The following WDR24 variants were observed in gnomAD, a reference collection of about 807,000 sequenced individuals.
WDR24 encodes WD repeat domain 24.
A neutral mutation model predicts 66.7 loss-of-function variants in WDR24; 32 were observed. The ratio of observed to expected loss-of-function variants is 0.48; its 90% CI spans 0.36 to 0.64. The LOEUF is 0.64. WDR24 is among the 30% of genes least tolerant of loss of function. WDR24 has a pLI of 0.00. For synonymous variants in WDR24, 565 were observed against 469.1 expected, an observed-to-expected ratio of 1.20 and a Z score of -2.64; for missense variants, 978 against 1,144.1, an observed-to-expected ratio of 0.85 and a Z score of 2.09.
chr16:690,312 AGGG>A lies in WDR24; in HGVS notation c.-675_-673del, dbSNP rs2039951684. 4.4e-6 allele frequency: 2 copies of A among 451,754 alleles called. No homozygotes were observed. The highest frequency in any genetic ancestry group is 4.7e-5 in the Admixed American group (2 of 42,332). 28.0% of individuals were successfully genotyped at this position (451,754 alleles called of 1,614,324 possible). A position where few individuals can be genotyped will look rare whatever the true frequency, so the allele number is the denominator to read the frequency against. ...GCGGACGCTGCGGGACGAGAACCAG[AGGG>A]CCCGGGGCAGCCCTTCTCCCCCGCG... On this transcript the variant is annotated 5_prime_UTR_variant, in exon 1 of 9. Coordinates refer to ENST00000293883, the MANE Select transcript of WDR24 (RefSeq NM_032259.4).
Position 689,248 on chromosome 16 carries a change from G to C in WDR24, c.393C>G (p.Thr131=). The C allele has an allele frequency of 2.5e-6, 4 of 1,614,006 alleles. No individual in the cohort carries two copies. Among genetic ancestry groups the C allele is most frequent in the Non-Finnish European group, 3.4e-6 (4 of 1,180,030 alleles). ...AGCCACTGAGCAGCACGTGGGCTTC[G>C]GTGGGGTGGAAGCAGACTTTGTTTA... ...RTVNKVCFHP[T]EAHVLLSGSQ... is the part of the protein sequence containing the mutation. The change falls in exon 1 of 9, where the codon ACC becomes ACG. Residue 131 remains threonine (T), a synonymous_variant. Transcript: ENST00000293883.
intron 1 of WDR24, 50 bp from the exon 2 acceptor site, chr16:687,789 G>A (rs2039926988): frequency 2.5e-6 from 4 of 1,590,470 alleles, no homozygotes; most frequent in East Asian, 2.3e-5. Flanking sequence ...GGCCCATGAG[G>A]TGCGCCCTCA....
At position 685,557 on chromosome 16, in the gene WDR24, C is replaced by T. The variant is rs1031883931; in HGVS notation, c.1719G>A (p.Pro573=). Residue 573 remains proline, a synonymous_variant, in exon 7 of 9, where the codon CCG becomes CCA. Coordinates refer to ENST00000293883, the MANE Select transcript of WDR24 (RefSeq NM_032259.4). ...GCGTGTCCACGATCTCGTGGCGCAG[C>T]GGAAAGGCCTCCTGCGGCAGCACGC... ...PECVLPQEAF[P]LRHEIVDTPP... is the part of the protein sequence containing the mutation. The T allele has an allele frequency of 1.3e-6, 2 of 1,586,410 alleles. No homozygotes were observed. The highest frequency in any genetic ancestry group is 2.3e-5 in the East Asian group (1 of 44,422).
intron 3 of WDR24, 121 bp from the exon 4 acceptor site, chr16:686,307 G>A (rs1189477144): frequency 8.9e-6 from 10 of 1,119,498 alleles, no homozygotes; most frequent in South Asian, 4.7e-5. Context: ...CCAATGTCCA[G>A]GCCCACCCCA....
rs1415376137 is a variant in WDR24, at chr16:685,893, A to G, written c.1549T>C (p.Ser517Pro). 4.3e-6 allele frequency: 7 copies of G among 1,613,028 alleles called. No homozygotes were observed. Among genetic ancestry groups the G allele is most frequent in the Non-Finnish European group, 5.9e-6 (7 of 1,179,966 alleles). ...ARSDTVLLDS[S>P]ATLITNEDNE... The stretch of plus-strand genomic sequence containing the variant: ...CCCTCATTGGTGATGAGTGTGGCCG[A>G]GGAGTCGAGCAGAACTGTGTCGCTC... The change falls in exon 5 of 9, where the codon TCG (serine) becomes CCG (proline). Residue 517 changes from serine (S) to proline (P), a missense_variant. Ser to Pro is a moderately conservative substitution (Grantham distance 74). Transcript: ENST00000293883.
chr16:686,015 T>A lies in WDR24; in HGVS notation c.1452-25A>T, dbSNP rs759150130. 6.8e-6 allele frequency: 11 copies of A among 1,612,728 alleles called. No homozygotes were observed. The Admixed American group carries it at 1.7e-4, about 24-fold the overall frequency. ...ACTGGGGGCAGGAAGGGCCCATGGG[T>A]GGGTGGGCTCGAGCAGCCCCAGCCC... On this transcript the variant is annotated intron_variant, in intron 4 of 8. Coordinates refer to ENST00000293883, the MANE Select transcript of WDR24 (RefSeq NM_032259.4).
rs773209556 is a variant in WDR24, at chr16:685,915, G to A, written c.1527C>T (p.Ser509=). The change falls in exon 5 of 9, where the codon AGC becomes AGT. Residue 509 remains serine (S), a synonymous_variant. Coordinates refer to ENST00000293883, the MANE Select transcript of WDR24 (RefSeq NM_032259.4). ...CCGAGGAGTCGAGCAGAACTGTGTC[G>A]CTCCGTGCATCTCCTTTGCTGCGGT... The part of the protein sequence containing the change: ...RLDRSKGDAR[S]DTVLLDSSAT... 8 of 1,613,034 alleles carry A rather than the reference G, an allele frequency of 5.0e-6. No homozygotes were observed. Among genetic ancestry groups the A allele is most frequent in the Middle Eastern group, 1.6e-4 (1 of 6,062 alleles).
rs141381733 is a variant in WDR24 at position 687,071 on chromosome 16, G to T, written c.1005C>A (p.Val335=). 1 of 1,606,670 alleles carries T rather than the reference G, an allele frequency of 6.2e-7. No homozygotes were observed. Residue 335 remains valine (V), a synonymous_variant, in exon 3 of 9, where the codon GTC becomes GTA. Transcript: ENST00000293883. ...AGAGGCCCTCAGGGTTGGCGCGCTC[G>T]ACGGGCTGGCTGGCGTCGCGGAACA... is the stretch of plus-strand genomic sequence containing the variant. ...QHLFRDASQP[V]ERANPEGLCY... is the part of the protein sequence containing the mutation.
intron 3 of WDR24, 30 bp from the exon 4 acceptor site, chr16:686,216 G>A (rs377282570): frequency 4.9e-5 from 79 of 1,606,948 alleles, no homozygotes; most frequent in Admixed American, 2.0e-4. Context: ...ACTTGTGGGC[G>A]TCCTGGACAC....
rs140632856 is a variant in WDR24, at chr16:686,810, A to G, written c.1266T>C (p.Ala422=). 5.0e-6 allele frequency: 8 copies of G among 1,611,790 alleles called. No homozygotes were observed. In the South Asian group the frequency reaches 6.6e-5, roughly 13 times the overall value. ...FVDTAERYAL[A]GRPLAELCDH... ...CACAGAGCTCGGCCAGTGGCCGGCCAGCCAGCGCATAACGCTCAGCTGTGT... is the reference window on the plus strand; with the variant it reads ...CACAGAGCTCGGCCAGTGGCCGGCCGGCCAGCGCATAACGCTCAGCTGTGT... The change falls in exon 3 of 9, where the codon GCT becomes GCC. Residue 422 remains alanine (A), a synonymous_variant. Coordinates refer to ENST00000293883, the MANE Select transcript of WDR24 (RefSeq NM_032259.4).
Position 686,136 on chromosome 16 carries a change from T to G in WDR24, c.1383A>C (p.Leu461=), listed in dbSNP as rs1326855219. The G allele has an allele frequency of 1.2e-6, 2 of 1,613,064 alleles. No individual in the cohort carries two copies. The highest frequency in any genetic ancestry group is 1.7e-6 in the Non-Finnish European group (2 of 1,179,972). ...MLRIIYCSPG[L]VPTANLNHSV... ...TGTGGTTGAGGTTTGCAGTGGGCAC[T>G]AGGCCAGGGCTGCAGTAGATGATCC... Residue 461 remains leucine (L), a synonymous_variant, in exon 4 of 9, where the codon CTA becomes CTC. Coordinates refer to ENST00000293883, the MANE Select transcript of WDR24 (RefSeq NM_032259.4).
intron 3 of WDR24, 35 bp from the exon 4 acceptor site, chr16:686,221 G>C (rs2039904423): frequency 6.2e-7 from 1 of 1,605,272 alleles, no homozygotes; most frequent in Admixed American, 1.7e-5. Flanking sequence ...TGGGCGTCCT[G>C]GACACCCAGC....
At chr16:687,477 C>A (rs185977193) in intron 2 of WDR24, 61 bp from the exon 3 acceptor site, 177 of 1,575,820 alleles carry the variant, frequency 1.1e-4, no homozygotes, top group South Asian at 1.5e-4. Context: ...GGGACCCCCC[C>A]GCTCTGCTGC....
rs1244813271 is a variant in WDR24, at chr16:685,733, C to T, written c.1624G>A (p.Asp542Asn). The T allele has an allele frequency of 1.9e-6, 3 of 1,613,190 alleles. No homozygotes were observed. The highest frequency in any genetic ancestry group is 1.7e-6 in the Non-Finnish European group (2 of 1,180,022). ...SDVPADYLLG[D>N]VEGEEDELYL... ...AGCTCGTCCTCCTCACCTTCCACGT[C>T]ACCCAGCAGGTAGTCGGCAGGTACG... is the stretch of plus-strand genomic sequence containing the variant. The change falls in exon 6 of 9, where the codon GAC becomes AAC. Residue 542 changes from aspartate (D) to asparagine (N), a missense_variant. Transcript: ENST00000293883.
Position 687,293 on chromosome 16 carries a change from T to C in WDR24, c.783A>G (p.Pro261=). The C allele has an allele frequency of 6.2e-7, 1 of 1,610,970 alleles. No homozygotes were observed. The change falls in exon 3 of 9, where the codon CCA becomes CCG. Residue 261 remains proline, a synonymous_variant. Coordinates refer to ENST00000293883, the MANE Select transcript of WDR24 (RefSeq NM_032259.4). ...IASVARVKWR[P]ECRHHLATCS... Reference sequence around the variant, plus strand: ...ACGTGGCCAGGTGGTGGCGGCACTCTGGCCGCCACTTCACACGGGCCACCG... The same window carrying C: ...ACGTGGCCAGGTGGTGGCGGCACTCCGGCCGCCACTTCACACGGGCCACCG...
chr16:687,621 C>T lies in WDR24; in HGVS notation c.600G>A (p.Glu200=), dbSNP rs766210278. ...GTCCGTTGTGGGCTGTGAACATCCT[C>T]TCGCACCGGTCGGGACGCCGGATGT... ...LWDIRRPDRC[E]RMFTAHNGPV... is the part of the protein sequence containing the mutation. Residue 200 remains glutamate (E), a synonymous_variant, in exon 2 of 9, where the codon GAG becomes GAA. Coordinates refer to ENST00000293883, the MANE Select transcript of WDR24 (RefSeq NM_032259.4). 1.9e-6 allele frequency: 3 copies of T among 1,613,560 alleles called. No individual in the cohort carries two copies. Among genetic ancestry groups the T allele is most frequent in the Admixed American group, 3.3e-5 (2 of 60,028 alleles).
chr16:688,904 G>A (rs1596568102), intron 1 of WDR24: 2 of 531,772 alleles, frequency 3.8e-6, no homozygotes, highest in East Asian at 7.0e-5. Flanking sequence ...CTGGGGCTCT[G>A]CCCTCCCTCA....
At position 687,348 on chromosome 16, in the gene WDR24, T is replaced by G; in HGVS notation, c.728A>C (p.Lys243Thr). ...GATGGTCTGCACACAGTGCATCTCCTTGGCACGGTGCGTGGTCATGTCCCA... is the reference window on the plus strand; with the variant it reads ...GATGGTCTGCACACAGTGCATCTCCGTGGCACGGTGCGTGGTCATGTCCCA... Reference protein sequence around the residue: ...KVWDMTTHRAKEMHCVQTIAS... With the variant: ...KVWDMTTHRATEMHCVQTIAS... Residue 243 changes from lysine to threonine, a missense_variant, in exon 3 of 9, where the codon AAG (lysine) becomes ACG (threonine). This residue lies in a region of WDR24 where 302 missense variants were observed against 526.6 expected (regional missense o/e 0.57). Transcript: ENST00000293883. The G allele has an allele frequency of 6.2e-7, 1 of 1,604,894 alleles. No homozygotes were observed. Among genetic ancestry groups the G allele is most frequent in the South Asian group, 1.1e-5 (1 of 90,998 alleles).
chr16:685,338 C>T lies in WDR24; in HGVS notation c.1938G>A (p.Glu646=), dbSNP rs752327977. ...LVRDMLHFYA[E]QGDVQMAVSV... ...ACACAGCCATCTGCACGTCGCCCTGCTCAGCGTAGAAGTGCAGCATGTCGC... is the reference window on the plus strand; with the variant it reads ...ACACAGCCATCTGCACGTCGCCCTGTTCAGCGTAGAAGTGCAGCATGTCGC... The change falls in exon 7 of 9, where the codon GAG becomes GAA. Residue 646 remains glutamate (E), a synonymous_variant. Transcript: ENST00000293883. 3 of 1,609,978 alleles carry T rather than the reference C, an allele frequency of 1.9e-6. No homozygotes were observed. Among genetic ancestry groups the T allele is most frequent in the South Asian group, 2.2e-5 (2 of 91,076 alleles).
Sources: gnomAD v4.1 joint callset for allele counts on GRCh38, gnomAD v4.1.1 for gene constraint, gnomAD v4.1.1 regional missense constraint, MANE v1.5 for transcripts, NCBI Gene and HGNC (gene_info 2026-07-23, HGNC 2026-07-21) for gene names.